GABBR2: variants seen among roughly 807,000 people sequenced by gnomAD.
GABBR2 encodes G-protein coupled receptor 51.
In GABBR2, 23 loss-of-function variants were observed where a neutral mutation model predicts 105.6. The observed-to-expected ratio is 0.22, with a 90% CI of 0.16 to 0.31. The LOEUF is 0.31. GABBR2 is among the 10% of genes least tolerant of loss of function. GABBR2 has a pLI of 1.00. For synonymous variants in GABBR2, 478 were observed against 499.7 expected (o/e 0.96, Z 0.58); for missense variants, 734 against 1,245.5 (o/e 0.59, Z 6.18).
intron 13 of GABBR2, among the ~76,000 whole-genome samples, chr9:98,354,183 A>G (rs1017036737): frequency 5.3e-5 from 8 of 152,254 alleles, no homozygotes; most frequent in Non-Finnish European, 7.3e-5. Context: ...ATTTAAAATT[A>G]TTCAGGAAAC....
chr9:98,524,475 A>G (rs1827923057), intron 3 of GABBR2, among the ~76,000 whole-genome samples: 1 of 152,220 alleles, frequency 6.6e-6, no homozygotes, highest in Non-Finnish European at 1.5e-5. Context: ...TGCCAGACCC[A>G]TTTATCCAAT....
At chr9:98,376,075 T>G (rs938923732) in intron 11 of GABBR2, among the ~76,000 whole-genome samples, 1 of 152,104 alleles carries the variant, frequency 6.6e-6, no homozygotes, top group Non-Finnish European at 1.5e-5. Flanking sequence ...ACATAATCCA[T>G]CCATGGGGGA....
At chr9:98,332,748 C>T (rs1045261985) in intron 13 of GABBR2, among the ~76,000 whole-genome samples, 4 of 152,192 alleles carry the variant, frequency 2.6e-5, no homozygotes, top group African/African-American at 9.7e-5. Context: ...CTGTAAGACG[C>T]AGATAAGAAA....
intron 17 of GABBR2, among the ~76,000 whole-genome samples, chr9:98,294,561 T>A (rs925141290): frequency 1.3e-5 from 2 of 151,848 alleles, no homozygotes; most frequent in African/African-American, 2.4e-5. Flanking sequence ...TCACTGCAAC[T>A]TCCACCTCCC....
chr9:98,558,113 G>A lies in GABBR2; in HGVS notation c.460-16070C>T, dbSNP rs112915797. Among the ~76,000 whole-genome samples, 1,167 of 152,224 alleles carry A rather than the reference G, an allele frequency of 7.7e-3. 14 individuals are homozygous for A. The highest frequency in any genetic ancestry group is 0.026 in the African/African-American group (1,098 of 41,526). On this transcript the variant is annotated intron_variant, in intron 2 of 18. Coordinates refer to ENST00000259455, the MANE Select transcript of GABBR2 (RefSeq NM_005458.8). Reference sequence around the variant, plus strand: ...CAAGAAGAGAGGGTAGCTATCTTAAGAGAAATCAGCTACATAGAAAAAAAA... The same window carrying A: ...CAAGAAGAGAGGGTAGCTATCTTAAAAGAAATCAGCTACATAGAAAAAAAA...
chr9:98,555,726 T>A (rs1446865796), intron 2 of GABBR2: 1 of 152,222 alleles, frequency 6.6e-6, no homozygotes, highest in Non-Finnish European at 1.5e-5. Context: ...ATCACATCTG[T>A]CAGGGGTCGG....
intron 13 of GABBR2, among the ~76,000 whole-genome samples, chr9:98,314,159 C>T (rs1830678890): frequency 6.6e-6 from 1 of 152,124 alleles, no homozygotes; most frequent in African/African-American, 2.4e-5. Flanking sequence ...AGGTGATCTC[C>T]AGAAACTAAA....
chr9:98,439,329 A>C (rs1825989943), intron 7 of GABBR2, among the ~76,000 whole-genome samples: 1 of 152,172 alleles, frequency 6.6e-6, no homozygotes, highest in Non-Finnish European at 1.5e-5. Context: ...GCTCAGACCC[A>C]GGTTCCCCAT....
intron 4 of GABBR2, among the ~76,000 whole-genome samples, 176 bp downstream of exon 4, chr9:98,496,237 C>T (rs1827276797): frequency 6.6e-6 from 1 of 152,192 alleles, no homozygotes; most frequent in Non-Finnish European, 1.5e-5. Flanking sequence ...TGTTGGAGAG[C>T]AAGGAAGGGA....
intron 7 of GABBR2, among the ~76,000 whole-genome samples, chr9:98,420,152 T>G (rs1345747225): frequency 6.6e-6 from 1 of 152,090 alleles, no homozygotes; most frequent in Non-Finnish European, 1.5e-5. Flanking sequence ...AACTCTTGTC[T>G]CGGAGGAGGG....
chr9:98,479,701 G>C (rs916313319), intron 5 of GABBR2, among the ~76,000 whole-genome samples: 3 of 152,166 alleles, frequency 2.0e-5, no homozygotes, highest in African/African-American at 7.2e-5. Context: ...GGTCTCCCTA[G>C]GTGGGGTCTC....
intron 13 of GABBR2, among the ~76,000 whole-genome samples, chr9:98,359,498 A>C (rs1451696600): frequency 2.0e-5 from 3 of 152,154 alleles, no homozygotes; most frequent in Non-Finnish European, 4.4e-5. Flanking sequence ...AGGATGGGGG[A>C]CTGGGCTGCC....
At chr9:98,605,757 C>T (rs1048573532) in intron 1 of GABBR2, among the ~76,000 whole-genome samples, 3 of 152,192 alleles carry the variant, frequency 2.0e-5, no homozygotes, top group Non-Finnish European at 1.5e-5. Flanking sequence ...GATAATGGAA[C>T]TGTTCTCCTC....
intron 1 of GABBR2, among the ~76,000 whole-genome samples, chr9:98,651,317 T>A (rs2131845957): frequency 6.6e-6 from 1 of 152,166 alleles, no homozygotes; most frequent in East Asian, 1.9e-4. Context: ...CTAATTTTTT[T>A]ATTTTTAGTA....
At chr9:98,586,660 T>C (rs1829082017) in intron 1 of GABBR2, among the ~76,000 whole-genome samples, 1 of 152,262 alleles carries the variant, frequency 6.6e-6, no homozygotes, top group Admixed American at 6.5e-5. Context: ...TATCATTTAA[T>C]TTTACTCATT....
At chr9:98,662,512 A>G (rs1055064781) in intron 1 of GABBR2, among the ~76,000 whole-genome samples, 4 of 152,228 alleles carry the variant, frequency 2.6e-5, no homozygotes, top group Admixed American at 2.0e-4. Flanking sequence ...TCTCATGTAG[A>G]TGAAGGGCAG....
At chr9:98,615,226 G>A (rs142183814) in intron 1 of GABBR2, among the ~76,000 whole-genome samples, 3 of 152,292 alleles carry the variant, frequency 2.0e-5, no homozygotes, top group Non-Finnish European at 4.4e-5. Flanking sequence ...CACGGTCAAT[G>A]CAGATGGTCT....
chr9:98,419,732 T>G (rs1832749520), intron 7 of GABBR2, among the ~76,000 whole-genome samples: 1 of 152,126 alleles, frequency 6.6e-6, no homozygotes, highest in Non-Finnish European at 1.5e-5. Flanking sequence ...TCAGAAGGCC[T>G]TGTCAGAGAG....
At chr9:98,542,683 G>A (rs1024804379) in intron 2 of GABBR2, among the ~76,000 whole-genome samples, 1 of 152,078 alleles carries the variant, frequency 6.6e-6, no homozygotes, top group Non-Finnish European at 1.5e-5. Flanking sequence ...CATTTTATCG[G>A]TTTGCAAATT....
Sources: allele counts gnomAD v4.1 joint callset (sites outside exome capture counted in the v4.1 genomes callset), GRCh38; gene constraint gnomAD v4.1.1; transcripts MANE v1.5; gene names NCBI Gene and HGNC (gene_info 2026-07-23, HGNC 2026-07-21).